CCDC170: variants seen among roughly 807,000 people sequenced by gnomAD.
CCDC170 encodes the protein coiled-coil domain-containing protein 170.
In CCDC170, 69 loss-of-function variants were observed where a neutral mutation model predicts 72.6. The observed-to-expected ratio is 0.95, with a 90% confidence interval of 0.78 to 1.16. The LOEUF (loss-of-function observed/expected upper bound fraction) is 1.16. CCDC170 is among the 50% of genes most tolerant of loss of function. The pLI is 0.00. For missense variants in CCDC170, 852 were observed against 832.5 expected (o/e 1.02, Z -0.29); for synonymous variants, 300 against 303.9 (o/e 0.99, Z 0.13).
intron 1 of CCDC170, among the ~76,000 whole-genome samples, chr6:151,498,699 A>G (rs9383906): frequency 0.12 from 18,898 of 151,880 alleles, 1,400 homozygotes; most frequent in East Asian, 0.36. Flanking sequence ...GTGGAATCAG[A>G]CTGTATTTGA....
chr6:151,615,356 A>G (rs1776945944), intron 9 of CCDC170, 87 bp from the exon 10 acceptor site: 8 of 919,626 alleles, frequency 8.7e-6, no homozygotes, highest in Non-Finnish European at 1.4e-5. Flanking sequence ...GTATGAAGTG[A>G]ATTCCATTGA....
intron 10 of CCDC170, among the ~76,000 whole-genome samples, chr6:151,616,804 T>C (rs536591867): frequency 5.9e-5 from 9 of 152,286 alleles, no homozygotes; most frequent in African/African-American, 2.2e-4. Context: ...CCCTTCTTGC[T>C]GTGTCCTCAC....
intron 4 of CCDC170, 55 bp downstream of exon 4, chr6:151,544,771 G>A (rs1480429270): frequency 1.3e-6 from 2 of 1,545,448 alleles, no homozygotes; most frequent in East Asian, 2.3e-5. Flanking sequence ...CTGACATGTG[G>A]CATGAAAGGA....
At chr6:151,544,830 A>T (rs182677559) in intron 4 of CCDC170, 114 bp downstream of exon 4, 92 of 958,268 alleles carry the variant, frequency 9.6e-5, no homozygotes, top group Admixed American at 2.0e-4. Flanking sequence ...ACAGTAGACC[A>T]AGTGTAGTAT....
intron 9 of CCDC170, among the ~76,000 whole-genome samples, chr6:151,600,718 G>GT (rs796910741): frequency 8.6e-5 from 13 of 150,818 alleles, no homozygotes; most frequent in South Asian, 8.4e-4. Flanking sequence ...CATTTCTATG[G>GT]TTTTTTTTTA....
chr6:151,540,362 T>C (rs930663028), intron 3 of CCDC170, among the ~76,000 whole-genome samples: 1 of 136,090 alleles, frequency 7.3e-6, no homozygotes, highest in Non-Finnish European at 1.6e-5. Context: ...CTCCTCCTTC[T>C]TCTGCTGCTG....
intron 6 of CCDC170, among the ~76,000 whole-genome samples, chr6:151,585,237 T>G (rs1003699497): frequency 2.0e-5 from 3 of 152,188 alleles, no homozygotes; most frequent in Non-Finnish European, 4.4e-5. Context: ...AGTACTCAGA[T>G]TCCCCTGCTC....
rs199605322 is a variant in CCDC170 at position 151,538,149 on chromosome 6, C to T, written c.291C>T (p.Leu97=). 1 of 1,614,000 alleles carries T rather than the reference C, an allele frequency of 6.2e-7. No homozygotes were observed. The highest frequency in any genetic ancestry group is 8.5e-7 in the Non-Finnish European group (1 of 1,179,960). ...YKENNARKSS[L]LTSLRDRVQE... ...AAAACAATGCCAGAAAATCATCTCT[C>T]CTTACCTCTTTGAGAGACAGAGTTC... The change falls in exon 3 of 11, where the codon CTC becomes CTT. Residue 97 remains leucine, a synonymous_variant. Transcript: ENST00000239374.
Position 151,573,434 on chromosome 6 carries a change from G to A in CCDC170, c.1035G>A (p.Glu345=), listed in dbSNP as rs779359602. 1 of 1,614,148 alleles carries A rather than the reference G, an allele frequency of 6.2e-7. No homozygotes were observed. The highest frequency in any genetic ancestry group is 8.5e-7 in the Non-Finnish European group (1 of 1,180,014). ...RGRLSMTGST[E]DTILEKIREM... is the part of the protein sequence containing the mutation. ...GATTGAGCATGACTGGGTCCACTGA[G>A]GACACCATTTTGGAGAAGATTCGAG... is the stretch of plus-strand genomic sequence containing the variant. The change falls in exon 6 of 11, where the codon GAG becomes GAA. Residue 345 remains glutamate (E), a synonymous_variant. Transcript: ENST00000239374.
At chr6:151,558,225 G>A (rs1489237086) in intron 5 of CCDC170, among the ~76,000 whole-genome samples, 1 of 126,914 alleles carries the variant, frequency 7.9e-6, no homozygotes, top group Non-Finnish European at 1.6e-5. Context: ...TTTTTATTGA[G>A]ATTAGTGTTT....
Position 151,553,228 on chromosome 6 carries a change from C to T in CCDC170, c.774+4739C>T, listed in dbSNP as rs991333554. 1.7e-4 allele frequency among the ~76,000 whole-genome samples: 26 copies of T among 152,140 alleles called. 1 individual carries two copies. The highest frequency in any genetic ancestry group is 6.5e-5 in the Admixed American group (1 of 15,276). The stretch of plus-strand genomic sequence containing the variant: ...TGTGCTAATGATCAGAGAGGTTATT[C>T]ACTTTGCTCAAGTTCACACAGCTAT... On this transcript the variant is annotated intron_variant, in intron 5 of 10. Transcript: ENST00000239374.
chr6:151,613,129 T>C (rs1776900992), intron 9 of CCDC170, among the ~76,000 whole-genome samples: 1 of 152,174 alleles, frequency 6.6e-6, no homozygotes, highest in Non-Finnish European at 1.5e-5. Context: ...AAGTGTACAA[T>C]TTAGGCTGGG....
At chr6:151,575,754 T>C (rs1301628136) in intron 6 of CCDC170, among the ~76,000 whole-genome samples, 2 of 151,896 alleles carry the variant, frequency 1.3e-5, no homozygotes, top group African/African-American at 2.4e-5. Flanking sequence ...GGTCTCGATC[T>C]CTTGACCTTG....
intron 6 of CCDC170, among the ~76,000 whole-genome samples, chr6:151,580,949 AC>A (rs1776371348): frequency 6.6e-6 from 1 of 152,198 alleles, no homozygotes; most frequent in African/African-American, 2.4e-5. Flanking sequence ...GTGTGCAATA[AC>A]CCTATATCTA....
At chr6:151,536,249 G>T in intron 1 of CCDC170, 69 bp from the exon 2 acceptor site, 1 of 1,570,356 alleles carries the variant, frequency 6.4e-7, no homozygotes, top group South Asian at 1.1e-5. Context: ...ATCTGGCTTT[G>T]TGCAGCTGCA....
chr6:151,593,274 G>C lies in CCDC170; in HGVS notation c.1461G>C (p.Gln487His). ...ACAAGACCATTGCCCACAATTTGCAGAGAAAGGTAGGAGATATTGAAACTT... is the reference window on the plus strand; with the variant it reads ...ACAAGACCATTGCCCACAATTTGCACAGAAAGGTAGGAGATATTGAAACTT... Reference protein sequence around the residue: ...IENKTIAHNLQRKLKTQKERL... With the variant: ...IENKTIAHNLHRKLKTQKERL... Residue 487 changes from glutamine to histidine, a missense_variant, in exon 8 of 11, where the codon CAG (glutamine) becomes CAC (histidine). Coordinates refer to ENST00000239374, the MANE Select transcript of CCDC170 (RefSeq NM_025059.4). 3.7e-6 allele frequency: 6 copies of C among 1,613,558 alleles called. No homozygotes were observed. The highest frequency in any genetic ancestry group is 5.1e-6 in the Non-Finnish European group (6 of 1,179,624).
In CCDC170 at chr6:151,593,174, T is replaced by C. The variant is rs751215577; in HGVS notation, c.1361T>C (p.Phe454Ser). ...GACCAGATGGCTGCCGAACTTGGCT[T>C]TGACATGCGGCTGGACGTGGTTTTA... is the stretch of plus-strand genomic sequence containing the variant. ...KLDQMAAELG[F>S]DMRLDVVLAR... Residue 454 changes from phenylalanine (F) to serine (S), a missense_variant, in exon 8 of 11, where the codon TTT becomes TCT. Transcript: ENST00000239374. 1 of 1,614,196 alleles carries C rather than the reference T, an allele frequency of 6.2e-7. No homozygotes were observed. Among genetic ancestry groups the C allele is most frequent in the South Asian group, 1.1e-5 (1 of 91,086 alleles).
intron 1 of CCDC170, among the ~76,000 whole-genome samples, chr6:151,530,631 T>A (rs1223659337): frequency 6.6e-6 from 1 of 151,900 alleles, no homozygotes; most frequent in Non-Finnish European, 1.5e-5. Context: ...TAGTAGAGAC[T>A]GGGTTTCACC....
chr6:151,589,853 C>T (rs1350906866), intron 7 of CCDC170, among the ~76,000 whole-genome samples: 1 of 152,204 alleles, frequency 6.6e-6, no homozygotes, highest in African/African-American at 2.4e-5. Flanking sequence ...CATCTTCCCT[C>T]TCCCCTGCAA....
Sources: gnomAD v4.1 joint callset for allele counts (sites outside exome capture counted in the v4.1 genomes callset) on GRCh38, gnomAD v4.1.1 for gene constraint, MANE v1.5 for transcripts, NCBI Gene and HGNC (gene_info 2026-07-23, HGNC 2026-07-21) for gene names.